The following CHRM2 variants were observed in gnomAD, a reference collection of about 807,000 sequenced individuals.
CHRM2 encodes cholinergic receptor muscarinic 2, also known as muscarinic acetylcholine receptor M2.
A neutral mutation model predicts 25.0 loss-of-function variants in CHRM2; 8 were observed. The observed-to-expected ratio is 0.32, with a 90% CI of 0.19 to 0.58. CHRM2 has a LOEUF of 0.58. Among genes scored for constraint, CHRM2 ranks in the 20% least tolerant of loss-of-function variants. The pLI is 0.88. For missense variants in CHRM2, 440 were observed against 567.1 expected (o/e 0.78, Z 2.28); for synonymous variants, 202 against 205.7 (o/e 0.98, Z 0.15).
chr7:136,917,634 C>T (rs1271739128), intron 2 of CHRM2, among the ~76,000 whole-genome samples: 3 of 152,024 alleles, frequency 2.0e-5, no homozygotes, highest in Non-Finnish European at 4.4e-5. Context: ...CTTTCACCAG[C>T]GCTAATGTAC....
chr7:136,965,413 C>A (rs1023489398), intron 2 of CHRM2, among the ~76,000 whole-genome samples: 1 of 151,908 alleles, frequency 6.6e-6, no homozygotes, highest in Non-Finnish European at 1.5e-5. Context: ...TGGACAAGAG[C>A]AAATTAATTG....
chr7:136,969,366 C>T (rs1005401681), intron 2 of CHRM2, among the ~76,000 whole-genome samples: 3 of 152,126 alleles, frequency 2.0e-5, no homozygotes, highest in East Asian at 1.9e-4. Flanking sequence ...AATTTGGATT[C>T]ACCTGATTCC....
At chr7:136,908,114 A>G (rs1005037761) in intron 2 of CHRM2, 2 of 151,948 alleles carry the variant, frequency 1.3e-5, no homozygotes, top group African/African-American at 4.8e-5. Flanking sequence ...TTACATGTTT[A>G]AGGACTTAGT....
At chr7:136,964,835 T>C (rs1801311482) in intron 2 of CHRM2, among the ~76,000 whole-genome samples, 2 of 152,174 alleles carry the variant, frequency 1.3e-5, no homozygotes, top group Admixed American at 1.3e-4. Context: ...TAGCAGTTTA[T>C]TTAAAGTGTC....
intron 2 of CHRM2, among the ~76,000 whole-genome samples, chr7:136,964,961 A>C (rs917142325): frequency 3.3e-5 from 5 of 152,150 alleles, no homozygotes; most frequent in Non-Finnish European, 2.9e-5. Context: ...AAGTCTTACA[A>C]ATATTGGAAA....
chr7:136,966,601 C>A (rs996542426), intron 2 of CHRM2, among the ~76,000 whole-genome samples: 10 of 151,888 alleles, frequency 6.6e-5, no homozygotes, highest in Admixed American at 5.9e-4. Context: ...AGAAAGGCAA[C>A]CATTGTAAAT....
At chr7:136,905,320 C>T (rs956263055) in intron 2 of CHRM2, among the ~76,000 whole-genome samples, 4 of 151,714 alleles carry the variant, frequency 2.6e-5, no homozygotes, top group Non-Finnish European at 4.4e-5. Context: ...AAAATGCACT[C>T]GTTTTTTATT....
At chr7:136,968,392 G>T (rs1396895427) in intron 2 of CHRM2, among the ~76,000 whole-genome samples, 2 of 145,744 alleles carry the variant, frequency 1.4e-5, no homozygotes, top group Admixed American at 6.8e-5. Flanking sequence ...ACTGCTGAGG[G>T]TGTAGAACAA....
At chr7:137,014,067 C>T (rs1805006378) in intron 3 of CHRM2, among the ~76,000 whole-genome samples, 1 of 151,948 alleles carries the variant, frequency 6.6e-6, no homozygotes, top group South Asian at 2.1e-4. Context: ...TATGTCTATT[C>T]CAGAAATCTC....
Position 136,887,328 on chromosome 7 carries a change from G to A in CHRM2, c.-125+17910G>A, listed in dbSNP as rs983904702. On this transcript the variant is annotated intron_variant, in intron 2 of 3. Coordinates refer to ENST00000680005, the MANE Select transcript of CHRM2 (RefSeq NM_001006630.2). ...GATTAATGTATCCATCACCTTATTCGCTTTTCACAAAAAAAAAATCCCACA... is the reference window on the plus strand; with the variant it reads ...GATTAATGTATCCATCACCTTATTCACTTTTCACAAAAAAAAAATCCCACA... Among the ~76,000 whole-genome samples the A allele has an allele frequency of 6.6e-5, 5 of 75,482 alleles. 1 individual carries two copies. The highest frequency in any genetic ancestry group is 1.3e-3 in the South Asian group (2 of 1,520). 49.5% of individuals were successfully genotyped at this position (75,482 alleles called of 152,430 possible).
At chr7:136,959,042 C>T (rs576089474) in intron 2 of CHRM2, among the ~76,000 whole-genome samples, 9 of 152,094 alleles carry the variant, frequency 5.9e-5, no homozygotes, top group Non-Finnish European at 1.3e-4. Context: ...TTTTATGTTT[C>T]TGCCCTGGAG....
intron 2 of CHRM2, among the ~76,000 whole-genome samples, chr7:136,950,793 T>C (rs1449643224): frequency 6.6e-6 from 1 of 151,320 alleles, no homozygotes; most frequent in Admixed American, 6.6e-5. Context: ...CTGTTGTTGT[T>C]GTTGTTGTTG....
In CHRM2 at chr7:136,925,032, T is replaced by C. The variant is rs538445868; in HGVS notation, c.-125+55614T>C. 7.2e-5 allele frequency among the ~76,000 whole-genome samples: 11 copies of C among 152,316 alleles called. No individual in the cohort carries two copies. The East Asian group carries it at 2.1e-3, about 29-fold the overall frequency. On this transcript the variant is annotated intron_variant, in intron 2 of 3. Coordinates refer to ENST00000680005, the MANE Select transcript of CHRM2 (RefSeq NM_001006630.2). Reference sequence around the variant, plus strand: ...CTGAATACAAGGTATTGTGTGGTGCTATAGAAGATAAAATAATATAAGCTA... The same window carrying C: ...CTGAATACAAGGTATTGTGTGGTGCCATAGAAGATAAAATAATATAAGCTA...
chr7:136,967,294 G>C (rs943713761), intron 2 of CHRM2, among the ~76,000 whole-genome samples: 1 of 152,008 alleles, frequency 6.6e-6, no homozygotes, highest in Non-Finnish European at 1.5e-5. Flanking sequence ...TATCCAATTA[G>C]AGTGCTGCAA....
intron 2 of CHRM2, among the ~76,000 whole-genome samples, chr7:136,935,584 C>G (rs1799366767): frequency 6.6e-6 from 1 of 152,270 alleles, no homozygotes; most frequent in African/African-American, 2.4e-5. Context: ...CCATTGGGAG[C>G]TGTTTTGGAA....
At chr7:137,003,247 G>A (rs959770042) in intron 3 of CHRM2, among the ~76,000 whole-genome samples, 1 of 152,072 alleles carries the variant, frequency 6.6e-6, no homozygotes, top group African/African-American at 2.4e-5. Context: ...AGGAATCTGA[G>A]AATCAAATGC....
intron 2 of CHRM2, among the ~76,000 whole-genome samples, chr7:136,914,894 C>A (rs746775331): frequency 1.3e-4 from 20 of 151,870 alleles, no homozygotes; most frequent in Non-Finnish European, 2.2e-4. Flanking sequence ...CTCTTAAATA[C>A]TTTTAGTTTC....
At chr7:136,963,470 G>C (rs1241734325) in intron 2 of CHRM2, among the ~76,000 whole-genome samples, 2 of 152,206 alleles carry the variant, frequency 1.3e-5, no homozygotes, top group East Asian at 1.9e-4. Context: ...ATGTTCATAG[G>C]ATTTCAGGAA....
At chr7:136,970,740 C>T (rs1801709567) in intron 2 of CHRM2, among the ~76,000 whole-genome samples, 1 of 152,068 alleles carries the variant, frequency 6.6e-6, no homozygotes, top group Non-Finnish European at 1.5e-5. Flanking sequence ...CTAAAACTTA[C>T]ATGTCAATAC....
Sources: allele counts gnomAD v4.1 joint callset (sites outside exome capture counted in the v4.1 genomes callset), GRCh38; gene constraint gnomAD v4.1.1; transcripts MANE v1.5; gene names NCBI Gene and HGNC (gene_info 2026-07-23, HGNC 2026-07-21).